Variants in TBCE observed in about 807,000 individuals in gnomAD.
The protein encoded by TBCE is tubulin folding cofactor E, also known as tubulin-specific chaperone E.
Under a neutral mutation model 77.0 loss-of-function variants are expected in TBCE, and 53 were observed. That is an observed-to-expected ratio of 0.69 (90% CI 0.55 to 0.87). The LOEUF (loss-of-function observed/expected upper bound fraction) is 0.87. TBCE is among the 40% of genes least tolerant of loss of function. The probability of loss-of-function intolerance (pLI) is 0.00; values close to 1 mark genes in which losing one functional copy is unlikely to be tolerated. For missense variants in TBCE, 624 were observed against 622.4 expected (o/e 1.00, Z -0.03); for synonymous variants, 235 against 241.3 (o/e 0.97, Z 0.24).
chr1:235,415,232 A>G (rs540149717), intron 4 of TBCE: 1 of 154,042 alleles, frequency 6.5e-6, no homozygotes, highest in Non-Finnish European at 1.4e-5. Flanking sequence ...GGCTCAAGTG[A>G]TCCTTGGCTT....
At chr1:235,369,496 ACT>A (rs1197568692) in intron 1 of TBCE, among the ~76,000 whole-genome samples, 1 of 148,546 alleles carries the variant, frequency 6.7e-6, no homozygotes, top group Non-Finnish European at 1.5e-5. Context: ...ATAGAGCAAG[ACT>A]CTGTCTCAAA....
chr1:235,429,126 C>G (rs1016021403), intron 6 of TBCE: 2 of 151,570 alleles, frequency 1.3e-5, no homozygotes, highest in East Asian at 3.9e-4. Flanking sequence ...GTAGCTGGGA[C>G]TATGGGTGCC....
chr1:235,371,375 TCCC>T (rs2102794385), intron 1 of TBCE, among the ~76,000 whole-genome samples: 1 of 147,906 alleles, frequency 6.8e-6, no homozygotes, highest in South Asian at 2.1e-4. Context: ...TTTTTTTTTT[TCCC>T]TTTTTTTTTT....
Position 235,450,080 on chromosome 1 carries a change from A to G in TBCE, c.*1318A>G, listed in dbSNP as rs998822461. 5.1e-6 allele frequency: 6 copies of G among 1,166,662 alleles called. No homozygotes were observed. The highest frequency in any genetic ancestry group is 3.1e-5 in the African/African-American group (2 of 65,528). 72.3% of individuals were successfully genotyped at this position (1,166,662 alleles called of 1,614,324 possible). A position where few individuals can be genotyped will look rare whatever the true frequency, so the allele number is the denominator to read the frequency against. Reference sequence around the variant, plus strand: ...GAAACACCGCATTGGTTCTGGGTGAAAGTGCCAGTCTGGAACTCTCTTGAA... The same window carrying G: ...GAAACACCGCATTGGTTCTGGGTGAGAGTGCCAGTCTGGAACTCTCTTGAA... On this transcript the variant is annotated 3_prime_UTR_variant, in exon 17 of 17. Coordinates refer to ENST00000642610, the MANE Select transcript of TBCE (RefSeq NM_003193.5).
intron 2 of TBCE, among the ~76,000 whole-genome samples, chr1:235,397,019 A>G (rs1404924608): frequency 2.0e-5 from 3 of 151,682 alleles, no homozygotes; most frequent in Admixed American, 1.3e-4. Flanking sequence ...TCTGTCTCCA[A>G]GCTGGAGTGC....
At chr1:235,436,308 T>G (rs79862267) in intron 9 of TBCE, 78 bp from the exon 10 acceptor site, 62 of 1,441,672 alleles carry the variant, frequency 4.3e-5, no homozygotes, top group Non-Finnish European at 5.6e-5. Context: ...GGAAAAAAAT[T>G]TACAAACCGA....
intron 5 of TBCE, among the ~76,000 whole-genome samples, chr1:235,421,773 C>A (rs189046649): frequency 6.6e-6 from 1 of 152,112 alleles, no homozygotes. Flanking sequence ...AAGGTCTTTC[C>A]CCAATTCATT....
intron 5 of TBCE, chr1:235,423,537 G>A (rs1680527847): frequency 6.6e-6 from 1 of 152,502 alleles, no homozygotes; most frequent in Admixed American, 6.6e-5. Context: ...GGCCGGGAAA[G>A]CACCCCTCGC....
intron 1 of TBCE, among the ~76,000 whole-genome samples, chr1:235,368,815 T>C (rs35149073): frequency 0.73 from 110,385 of 151,090 alleles, 41,649 homozygotes; most frequent in African/African-American, 0.93. Context: ...ATCCACCTGC[T>C]TCAGCCTCCC....
intron 5 of TBCE, among the ~76,000 whole-genome samples, chr1:235,419,941 C>CG (rs1680305921): frequency 6.6e-6 from 1 of 151,996 alleles, no homozygotes; most frequent in Non-Finnish European, 1.5e-5. Context: ...AAAAATTAGC[C>CG]GGGTGTGGTG....
At chr1:235,419,423 T>C (rs774715070) in intron 4 of TBCE, 50 bp from the exon 5 acceptor site, 5 of 1,613,882 alleles carry the variant, frequency 3.1e-6, no homozygotes, top group Non-Finnish European at 4.2e-6. Context: ...AAAGGGCCAG[T>C]GGATAGCATA....
chr1:235,436,612 A>G lies in TBCE; in HGVS notation c.963+4A>G, dbSNP rs1440652030. ...AAACGACAATCAGATATCACAAGTA[A>G]GAGCTGCTCGGAGTATGCCCAGCAC... On this transcript the variant is annotated splice_donor_region_variant and intron_variant, in intron 11 of 16. Transcript: ENST00000642610. 7 of 1,613,108 alleles carry G rather than the reference A, an allele frequency of 4.3e-6. No homozygotes were observed. Among genetic ancestry groups the G allele is most frequent in the South Asian group, 1.1e-5 (1 of 91,058 alleles).
intron 2 of TBCE, among the ~76,000 whole-genome samples, chr1:235,399,974 G>GA (rs1028574545): frequency 1.2e-4 from 19 of 152,186 alleles, no homozygotes; most frequent in Non-Finnish European, 1.5e-5. Context: ...TGTAGCAGAG[G>GA]AAAGACATGG....
At position 235,379,093 on chromosome 1, in the gene TBCE, T is replaced by G. The variant is rs538408417; in HGVS notation, c.-31-926T>G. On this transcript the variant is annotated intron_variant, in intron 1 of 16. Transcript: ENST00000642610. ...CTTTTCTGTTTTTTCTTTCTCCGAC[T>G]TCTTAGGGATTTCTTCTTTCTTAAC... Among the ~76,000 whole-genome samples, 70 of 152,288 alleles carry G rather than the reference T, an allele frequency of 4.6e-4. 1 individual carries two copies. Among genetic ancestry groups the G allele is most frequent in the South Asian group, 2.3e-3 (11 of 4,830 alleles).
chr1:235,376,431 G>A (rs1677302222), intron 1 of TBCE, among the ~76,000 whole-genome samples: 1 of 152,108 alleles, frequency 6.6e-6, no homozygotes, highest in Admixed American at 6.6e-5. Flanking sequence ...TGATTATGGG[G>A]CCTTGTGAGT....
chr1:235,407,274 T>G (rs953437698), intron 3 of TBCE, among the ~76,000 whole-genome samples: 1 of 151,154 alleles, frequency 6.6e-6, no homozygotes, highest in Non-Finnish European at 1.5e-5. Flanking sequence ...TTTGTAGAGA[T>G]GGAGACTCCC....
Position 235,419,508 on chromosome 1 carries a change from A to G in TBCE, c.407A>G (p.Asn136Ser). Residue 136 changes from asparagine to serine, a missense_variant, in exon 5 of 17, where the codon AAC (asparagine) becomes AGC (serine). By Grantham distance (46) the Asn-to-Ser change is conservative. Transcript: ENST00000642610. ...LSKLQEVSLR[N>S]CAVSCAGEKG... The stretch of plus-strand genomic sequence containing the variant: ...AAGTTGCAAGAAGTTTCTCTGAGGA[A>G]CTGTGCAGTAAGTTGTGCTGGTGAA... 1 of 1,614,110 alleles carries G rather than the reference A, an allele frequency of 6.2e-7. No homozygotes were observed. The highest frequency in any genetic ancestry group is 1.1e-5 in the South Asian group (1 of 91,076).
chr1:235,435,799 A>G lies in TBCE; in HGVS notation c.792A>G (p.Leu264=). 1 of 1,614,218 alleles carries G rather than the reference A, an allele frequency of 6.2e-7. No homozygotes were observed. Among genetic ancestry groups the G allele is most frequent in the South Asian group, 1.1e-5 (1 of 91,086 alleles). The stretch of plus-strand genomic sequence containing the variant: ...TATTAGATCTTTCCTCTAATCAATT[A>G]ATTGATGAAAATCAGCTGTATCTGA... The part of the protein sequence containing the change: ...VKLLDLSSNQ[L]IDENQLYLIA... The change falls in exon 9 of 17, where the codon TTA becomes TTG. Residue 264 remains leucine, a synonymous_variant. Transcript: ENST00000642610.
intron 4 of TBCE, 184 bp downstream of exon 4, chr1:235,414,802 A>C: frequency 1.6e-6 from 1 of 632,238 alleles, no homozygotes; most frequent in Non-Finnish European, 2.8e-6. Context: ...TTCTTATGTT[A>C]GCACAGGATT....
Sources: allele counts gnomAD v4.1 joint callset (sites outside exome capture counted in the v4.1 genomes callset), GRCh38; gene constraint gnomAD v4.1.1; transcripts MANE v1.5; gene names NCBI Gene and HGNC (gene_info 2026-07-23, HGNC 2026-07-21).